Variants in STARD4 observed in about 807,000 individuals in gnomAD.
The protein encoded by STARD4 is stAR-related lipid transfer protein 4.
In STARD4, 33 loss-of-function variants were observed where a neutral mutation model predicts 24.9. The ratio of observed to expected loss-of-function variants is 1.32; its 90% confidence interval spans 1.00 to 1.77. The LOEUF (loss-of-function observed/expected upper bound fraction) is 1.77, where lower values mean the gene tolerates loss of function less well. Ranked by LOEUF, STARD4 falls within the 40% of genes most tolerant of loss-of-function variation. The pLI is 0.00. For missense variants in STARD4, 238 were observed against 249.3 expected (o/e 0.95, Z 0.31); for synonymous variants, 88 against 77.4 (o/e 1.14, Z -0.72).
intron 4 of STARD4, 101 bp from the exon 5 acceptor site, chr5:111,501,217 A>C: frequency 8.4e-7 from 1 of 1,192,484 alleles, no homozygotes; most frequent in Admixed American, 3.1e-5. Flanking sequence ...ATTTATTTAA[A>C]ATGTTTCATA....
chr5:111,502,036 T>C lies in STARD4; in HGVS notation c.208A>G (p.Ile70Val), dbSNP rs1756491452. The C allele has an allele frequency of 6.2e-7, 1 of 1,614,186 alleles. No homozygotes were observed. The highest frequency in any genetic ancestry group is 8.5e-7 in the Non-Finnish European group (1 of 1,180,008). ...DDLVYSIIDH[I>V]RPGPCRLDWD... ...TCCAAACGACAAGGCCCTGGGCGTA[T>C]ATGGTCTATTATACTATAGACAAGG... is the stretch of plus-strand genomic sequence containing the variant. The change falls in exon 4 of 6, where the codon ATA (isoleucine) becomes GTA (valine). Residue 70 changes from isoleucine to valine, a missense_variant. Physicochemically the swap from Ile to Val is conservative, Grantham distance 29. Transcript: ENST00000296632.
chr5:111,496,122 TAATA>T lies in STARD4; in HGVS notation c.*3760_*3763del, dbSNP rs1287615875. 6.6e-6 allele frequency: 1 copy of T among 152,008 alleles called. No homozygotes were observed. The highest frequency in any genetic ancestry group is 1.5e-5 in the Non-Finnish European group (1 of 67,950). The allele number at this position is 152,008 out of a possible 1,614,324, so 9.4% of individuals were successfully genotyped here. ...TTGATACTAATACATATTATTAGTT[TAATA>T]AATATTCTAGTTTTACATATTGGTT... On this transcript the variant is annotated 3_prime_UTR_variant, in exon 6 of 6. Transcript: ENST00000296632.
At position 111,500,895 on chromosome 5, in the gene STARD4, CAG is replaced by C. The variant is rs745788821; in HGVS notation, c.397+105_397+106del. The C allele has an allele frequency of 3.6e-5, 58 of 1,599,358 alleles. No individual in the cohort carries two copies. The Middle Eastern group carries it at 8.3e-4, about 23-fold the overall frequency. ...CACTTGCAAAAAATGTTAGTGATTA[CAG>C]AGTCAGAGTTGAAAATATATCTCAC... On this transcript the variant is annotated intron_variant, in intron 5 of 5. Coordinates refer to ENST00000296632, the MANE Select transcript of STARD4 (RefSeq NM_139164.3).
chr5:111,499,525 T>G lies in STARD4; in HGVS notation c.*361A>C. The G allele has an allele frequency of 5.8e-6, 1 of 173,594 alleles. No homozygotes were observed. Among genetic ancestry groups the G allele is most frequent in the Non-Finnish European group, 1.2e-5 (1 of 82,014 alleles). 10.8% of individuals were successfully genotyped at this position (173,594 alleles called of 1,614,324 possible). ...GTGTGACCACATCTCTACAAAAAAT[T>G]AAACAAAAATTAGCCATGCATAGTG... On this transcript the variant is annotated 3_prime_UTR_variant, in exon 6 of 6. Coordinates refer to ENST00000296632, the MANE Select transcript of STARD4 (RefSeq NM_139164.3).
intron 4 of STARD4, among the ~76,000 whole-genome samples, chr5:111,501,546 T>C (rs1756454340): frequency 6.6e-6 from 1 of 152,234 alleles, no homozygotes; most frequent in African/African-American, 2.4e-5. Flanking sequence ...GCTATATAAT[T>C]TTAGAATATC....
intron 3 of STARD4, among the ~76,000 whole-genome samples, chr5:111,503,635 C>G (rs1756633860): frequency 6.6e-6 from 1 of 151,670 alleles, no homozygotes; most frequent in Non-Finnish European, 1.5e-5. Context: ...CTCAAACAAA[C>G]AAACAAAAAA....
rs1756316127 is a variant in STARD4, at chr5:111,500,030, A to G, written c.474T>C (p.Val158=). ...GYNHPCGWFC[V]PLKDNPNQSL... ...TCTGGTTTGGGTTGTCTTTAAGTGG[A>G]ACACAAAACCAACCACAGGGATGGT... Residue 158 remains valine (V), a synonymous_variant, in exon 6 of 6, where the codon GTT becomes GTC. Transcript: ENST00000296632. 2 of 1,614,052 alleles carry G rather than the reference A, an allele frequency of 1.2e-6. No individual in the cohort carries two copies. Among genetic ancestry groups the G allele is most frequent in the Non-Finnish European group, 1.7e-6 (2 of 1,180,022 alleles).
intron 3 of STARD4, among the ~76,000 whole-genome samples, chr5:111,505,232 T>C (rs1756769872): frequency 6.6e-6 from 1 of 152,250 alleles, no homozygotes; most frequent in African/African-American, 2.4e-5. Context: ...ACACTCGTGA[T>C]ATTTTCAACC....
chr5:111,510,063 G>A (rs1477430733), intron 1 of STARD4, among the ~76,000 whole-genome samples: 5 of 152,094 alleles, frequency 3.3e-5, no homozygotes, highest in East Asian at 1.9e-4. Context: ...GTGGGAGGTA[G>A]GAAAGGAAGA....
intron 1 of STARD4, among the ~76,000 whole-genome samples, chr5:111,508,298 C>T (rs1757010730): frequency 6.6e-6 from 1 of 152,054 alleles, no homozygotes; most frequent in African/African-American, 2.4e-5. Flanking sequence ...AGGTCCTTTT[C>T]TTATTCACCA....
chr5:111,496,100 A>ATAC lies in STARD4; in HGVS notation c.*3783_*3785dup, dbSNP rs1756075389. On this transcript the variant is annotated 3_prime_UTR_variant, in exon 6 of 6. Coordinates refer to ENST00000296632, the MANE Select transcript of STARD4 (RefSeq NM_139164.3). ...TTAAAAATAAATACATATTTTATTG[A>ATAC]TACTAATACATATTATTAGTTTAAT... The ATAC allele has an allele frequency of 6.6e-6, 1 of 151,974 alleles. No individual in the cohort carries two copies. The highest frequency in any genetic ancestry group is 1.5e-5 in the Non-Finnish European group (1 of 67,940). The allele number at this position is 151,974 out of a possible 1,614,324, so 9.4% of individuals were successfully genotyped here. A position where few individuals can be genotyped will look rare whatever the true frequency, so the allele number is the denominator to read the frequency against.
intron 1 of STARD4, among the ~76,000 whole-genome samples, chr5:111,508,001 C>T (rs1756990071): frequency 6.6e-6 from 1 of 152,106 alleles, no homozygotes; most frequent in Admixed American, 6.5e-5. Flanking sequence ...CACCATCATA[C>T]CTCATTGTCT....
chr5:111,506,983 G>C (rs1756908187), intron 2 of STARD4, among the ~76,000 whole-genome samples: 1 of 152,104 alleles, frequency 6.6e-6, no homozygotes, highest in Non-Finnish European at 1.5e-5. Flanking sequence ...TAGGCTTTTT[G>C]ATATACCTGA....
At position 111,498,381 on chromosome 5, in the gene STARD4, C is replaced by G. The variant is rs535802059; in HGVS notation, c.*1505G>C. On this transcript the variant is annotated 3_prime_UTR_variant, in exon 6 of 6. Transcript: ENST00000296632. ...ACATCCAGTTCAGGAAATAATAGCCCTTATAGTAATGTGTACTATCTTGTC... is the reference window on the plus strand; with the variant it reads ...ACATCCAGTTCAGGAAATAATAGCCGTTATAGTAATGTGTACTATCTTGTC... 1 of 151,704 alleles carries G rather than the reference C, an allele frequency of 6.6e-6. No individual in the cohort carries two copies. The highest frequency in any genetic ancestry group is 1.5e-5 in the Non-Finnish European group (1 of 67,872). The allele number at this position is 151,704 out of a possible 1,614,324, so 9.4% of individuals were successfully genotyped here. A position where few individuals can be genotyped will look rare whatever the true frequency, so the allele number is the denominator to read the frequency against.
At position 111,498,241 on chromosome 5, in the gene STARD4, T is replaced by C. The variant is rs1756202871; in HGVS notation, c.*1645A>G. 6.6e-6 allele frequency: 1 copy of C among 151,980 alleles called. No homozygotes were observed. The highest frequency in any genetic ancestry group is 1.5e-5 in the Non-Finnish European group (1 of 67,946). 9.4% of individuals were successfully genotyped at this position (151,980 alleles called of 1,614,324 possible). A position where few individuals can be genotyped will look rare whatever the true frequency, so the allele number is the denominator to read the frequency against. Reference sequence around the variant, plus strand: ...ATGTTTCCATGAGGGTAATTTTACCTAGAGTGGGTCCATGTTTAACGGTGA... The same window carrying C: ...ATGTTTCCATGAGGGTAATTTTACCCAGAGTGGGTCCATGTTTAACGGTGA... On this transcript the variant is annotated 3_prime_UTR_variant, in exon 6 of 6. Coordinates refer to ENST00000296632, the MANE Select transcript of STARD4 (RefSeq NM_139164.3).
intron 2 of STARD4, 36 bp from the exon 3 acceptor site, chr5:111,506,415 A>T (rs372000637): frequency 1.8e-5 from 20 of 1,084,146 alleles, no homozygotes; most frequent in Non-Finnish European, 2.6e-5. Flanking sequence ...TAATAATTGC[A>T]TAGGTGGAAC....
intron 1 of STARD4, 87 bp downstream of exon 1, chr5:111,512,298 G>A (rs531180839): frequency 6.6e-6 from 1 of 152,622 alleles, no homozygotes; most frequent in Admixed American, 6.5e-5. Context: ...AGGTCCAGAA[G>A]ACGCACCTGG....
At position 111,499,257 on chromosome 5, in the gene STARD4, C is replaced by T. The variant is rs1035475447; in HGVS notation, c.*629G>A. The T allele has an allele frequency of 6.6e-6, 1 of 152,184 alleles. No homozygotes were observed. The allele number at this position is 152,184 out of a possible 1,614,324, so 9.4% of individuals were successfully genotyped here. ...GGCACCCACAGAATTAGGGGACCCA[C>T]AATACTCAATTCTAATCATTATAAA... On this transcript the variant is annotated 3_prime_UTR_variant, in exon 6 of 6. Coordinates refer to ENST00000296632, the MANE Select transcript of STARD4 (RefSeq NM_139164.3).
chr5:111,509,024 A>G (rs538902780), intron 1 of STARD4, among the ~76,000 whole-genome samples: 5 of 152,234 alleles, frequency 3.3e-5, no homozygotes, highest in African/African-American at 1.2e-4. Flanking sequence ...TATAGATCCA[A>G]TCCACGGATG....
Sources: allele counts gnomAD v4.1 joint callset (sites outside exome capture counted in the v4.1 genomes callset), GRCh38; gene constraint gnomAD v4.1.1; transcripts MANE v1.5; gene names NCBI Gene and HGNC (gene_info 2026-07-23, HGNC 2026-07-21).